The following KLF15 variants were observed in gnomAD, a reference collection of about 807,000 sequenced individuals.
KLF15 encodes KLF transcription factor 15.
A neutral mutation model predicts 24.6 loss-of-function variants in KLF15; 4 were observed. The observed-to-expected ratio is 0.16, with a 90% CI of 0.08 to 0.37. KLF15 has a LOEUF of 0.37. KLF15 is among the 10% of genes least tolerant of loss of function. The probability of loss-of-function intolerance (pLI) is 1.00; values close to 1 mark genes in which losing one functional copy is unlikely to be tolerated. For synonymous variants in KLF15, 246 were observed against 236.3 expected (o/e 1.04, Z -0.37); for missense variants, 496 against 560.6 (o/e 0.88, Z 1.16).
rs1385170410 is a variant in KLF15, at chr3:126,343,903, A to ACATG, written c.1083-12_1083-9dup. The ACATG allele has an allele frequency of 6.3e-7, 1 of 1,575,194 alleles. No individual in the cohort carries two copies. Among genetic ancestry groups the ACATG allele is most frequent in the Admixed American group, 1.9e-5 (1 of 53,154 alleles). On this transcript the variant is annotated splice_polypyrimidine_tract_variant and intron_variant, in intron 2 of 2. Transcript: ENST00000296233. ...TCGTCAGAGCGCGAGAACCTGCGGGACATGGCGCGGTCAGCGAGGCCTGGC... is the reference window on the plus strand; with the variant it reads ...TCGTCAGAGCGCGAGAACCTGCGGGACATGCATGGCGCGGTCAGCGAGGCCTGGC...
chr3:126,316,102 C>A, the KLF15 span, among the ~76,000 whole-genome samples: 1 of 152,118 alleles, frequency 6.6e-6, no homozygotes, highest in African/African-American at 2.4e-5. Context: ...CAAATAATTG[C>A]GGCAGAGACC....
downstream of KLF15, among the ~76,000 whole-genome samples, chr3:126,339,457 G>A (rs1219775564): frequency 6.6e-6 from 1 of 152,030 alleles, no homozygotes; most frequent in East Asian, 1.9e-4. Flanking sequence ...GGCCCCCCAG[G>A]GCACATCGAG....
At chr3:126,304,197 G>T in the KLF15 span, among the ~76,000 whole-genome samples, 1 of 134,226 alleles carries the variant, frequency 7.5e-6, no homozygotes, top group Admixed American at 7.3e-5. Context: ...CTTAAATTTT[G>T]TTCTGGTACT....
intron 2 of KLF15, among the ~76,000 whole-genome samples, chr3:126,347,726 C>T (rs944468296): frequency 6.6e-6 from 1 of 152,144 alleles, no homozygotes; most frequent in African/African-American, 2.4e-5. Context: ...TGCTCTCAGC[C>T]CTGTTGAGGG....
In KLF15 at chr3:126,343,919, G is replaced by GCGCTTTC; in HGVS notation, c.1083-25_1083-24insGAAAGCG. The GCGCTTTC allele has an allele frequency of 1.3e-6, 2 of 1,558,128 alleles. 1 individual carries two copies. ...ACCTGCGGGACATGGCGCGGTCAGC[G>GCGCTTTC]AGGCCTGGCCCTGCCTGCCCCTGCC... On this transcript the variant is annotated intron_variant, in intron 2 of 2. Coordinates refer to ENST00000296233, the MANE Select transcript of KLF15 (RefSeq NM_014079.4).
the KLF15 span, among the ~76,000 whole-genome samples, chr3:126,313,123 C>G: frequency 6.6e-6 from 1 of 152,138 alleles, no homozygotes; most frequent in African/African-American, 2.4e-5. Flanking sequence ...CTTAATCCAA[C>G]CTGACTGGGG....
the KLF15 span, among the ~76,000 whole-genome samples, chr3:126,302,463 T>C: frequency 1.3e-5 from 2 of 152,188 alleles, no homozygotes; most frequent in South Asian, 4.1e-4. Context: ...TTATCAGTTA[T>C]CAATTATTGA....
chr3:126,294,619 T>C, the KLF15 span, among the ~76,000 whole-genome samples: 1 of 152,188 alleles, frequency 6.6e-6, no homozygotes, highest in African/African-American at 2.4e-5. Context: ...AGCACTTTTC[T>C]CTGCTTGCAG....
the KLF15 span, among the ~76,000 whole-genome samples, chr3:126,334,944 C>T: frequency 9.1e-6 from 1 of 110,122 alleles, no homozygotes; most frequent in Non-Finnish European, 1.8e-5. Context: ...GTTTACCAAC[C>T]AAAAAGAGTC....
chr3:126,298,832 T>TGGACCAG, the KLF15 span, among the ~76,000 whole-genome samples: 1 of 152,206 alleles, frequency 6.6e-6, no homozygotes, highest in Non-Finnish European at 1.5e-5. Context: ...TATATGCCTA[T>TGGACCAG]TTTTATACCA....
Position 126,357,322 on chromosome 3 carries a change from T to C in KLF15, c.-111A>G, listed in dbSNP as rs2082641956. 1.4e-5 allele frequency: 2 copies of C among 146,600 alleles called. No homozygotes were observed. The highest frequency in any genetic ancestry group is 3.0e-5 in the Non-Finnish European group (2 of 65,986). The allele number at this position is 146,600 out of a possible 1,614,324, so 9.1% of individuals were successfully genotyped here. A position where few individuals can be genotyped will look rare whatever the true frequency, so the allele number is the denominator to read the frequency against. ...TGGGCTGGGGGCGGCGGCTAGACTC[T>C]CGGTCCGGCGGCGGCCGGGGGCCGA... On this transcript the variant is annotated 5_prime_UTR_variant, in exon 1 of 3. Coordinates refer to ENST00000296233, the MANE Select transcript of KLF15 (RefSeq NM_014079.4).
chr3:126,338,382 C>A (rs916581115), downstream of KLF15, among the ~76,000 whole-genome samples: 3 of 152,246 alleles, frequency 2.0e-5, no homozygotes, highest in Non-Finnish European at 4.4e-5. Context: ...TGGAAACAGA[C>A]AGGTGTCCTT....
chr3:126,343,666 TA>T lies in KLF15; in HGVS notation c.*60del, dbSNP rs1322449170. On this transcript the variant is annotated 3_prime_UTR_variant, in exon 3 of 3. Transcript: ENST00000296233. ...TGGAGGAGGCAAATAAATTATTGCT[TA>T]AAAAAATGGGGATGGGGTGGGGATC... 9 of 1,513,718 alleles carry T rather than the reference TA, an allele frequency of 5.9e-6. No individual in the cohort carries two copies. The highest frequency in any genetic ancestry group is 2.1e-5 in the Admixed American group (1 of 47,072). 93.8% of individuals were successfully genotyped at this position (1,513,718 alleles called of 1,614,324 possible).
chr3:126,345,751 C>A (rs1476662547), intron 2 of KLF15, among the ~76,000 whole-genome samples: 3 of 152,022 alleles, frequency 2.0e-5, no homozygotes, highest in African/African-American at 7.2e-5. Context: ...GGTGGAAGAG[C>A]AGAAGGACCC....
rs144702745 is a variant in KLF15 at position 126,353,514 on chromosome 3, A to G, written c.-25-567T>C. Among the ~76,000 whole-genome samples the G allele has an allele frequency of 6.5e-3, 990 of 152,356 alleles. 14 individuals are homozygous for G. The highest frequency in any genetic ancestry group is 0.022 in the African/African-American group (923 of 41,584). ...ATTCGAATTTCAGATTTAAAAAATA[A>G]ACTATTTTTAATATAAGTATGTTCC... On this transcript the variant is annotated intron_variant, in intron 1 of 2. Coordinates refer to ENST00000296233, the MANE Select transcript of KLF15 (RefSeq NM_014079.4).
At chr3:126,353,161 T>C (rs929973942) in intron 1 of KLF15, among the ~76,000 whole-genome samples, 1 of 152,248 alleles carries the variant, frequency 6.6e-6, no homozygotes, top group African/African-American at 2.4e-5. Context: ...GCCCATTGCA[T>C]AACCAGGGGC....
chr3:126,348,438 G>A (rs1387041104), intron 2 of KLF15, among the ~76,000 whole-genome samples: 1 of 152,098 alleles, frequency 6.6e-6, no homozygotes, highest in Admixed American at 6.5e-5. Context: ...CACACATGGC[G>A]ACTCTGATAC....
the KLF15 span, among the ~76,000 whole-genome samples, chr3:126,322,895 C>T: frequency 1.3e-5 from 2 of 152,102 alleles, no homozygotes; most frequent in South Asian, 2.1e-4. Context: ...ATGATATTCT[C>T]AGCACAATTG....
the KLF15 span, among the ~76,000 whole-genome samples, chr3:126,319,483 A>G: frequency 2.0e-5 from 3 of 152,230 alleles, no homozygotes; most frequent in African/African-American, 7.2e-5. Flanking sequence ...TCTAACAGGC[A>G]TGTGGAGGTA....
Sources: allele counts gnomAD v4.1 joint callset (sites outside exome capture counted in the v4.1 genomes callset), GRCh38; gene constraint gnomAD v4.1.1; transcripts MANE v1.5; gene names NCBI Gene and HGNC (gene_info 2026-07-23, HGNC 2026-07-21).